DMRT1: variants seen among roughly 807,000 people sequenced by gnomAD.
DMRT1 encodes the protein doublesex and mab-3 related transcription factor 1.
A neutral mutation model predicts 32.3 loss-of-function variants in DMRT1; 7 were observed. The observed-to-expected ratio is 0.22, with a 90% confidence interval of 0.12 to 0.41. The LOEUF (loss-of-function observed/expected upper bound fraction) is 0.41. Ranked by LOEUF, DMRT1 falls within the 10% of genes least tolerant of loss-of-function variation. The probability of loss-of-function intolerance (pLI) is 1.00; values close to 1 mark genes in which losing one functional copy is unlikely to be tolerated. For synonymous variants in DMRT1, 278 were observed against 206.1 expected (o/e 1.35, Z -2.99); for missense variants, 625 against 500.5 (o/e 1.25, Z -2.37).
chr9:910,373 C>G (rs1043616768), intron 3 of DMRT1, among the ~76,000 whole-genome samples: 4 of 151,798 alleles, frequency 2.6e-5, no homozygotes, highest in African/African-American at 9.7e-5. Flanking sequence ...TTTTATGCAG[C>G]CATGCGATGT....
intron 2 of DMRT1, among the ~76,000 whole-genome samples, chr9:893,453 C>T (rs55714436): frequency 6.6e-6 from 1 of 152,210 alleles, no homozygotes; most frequent in African/African-American, 2.4e-5. Context: ...TACCTGATCA[C>T]CTGTGGAAGG....
intron 3 of DMRT1, among the ~76,000 whole-genome samples, chr9:900,633 A>G (rs1466308986): frequency 6.6e-6 from 1 of 152,154 alleles, no homozygotes; most frequent in Non-Finnish European, 1.5e-5. Context: ...AAATTGAAAA[A>G]AAAACAACAA....
chr9:915,010 T>C (rs935197958), intron 3 of DMRT1, among the ~76,000 whole-genome samples: 1 of 152,202 alleles, frequency 6.6e-6, no homozygotes, highest in African/African-American at 2.4e-5. Flanking sequence ...GTCAAGTTAG[T>C]GCTATTTTCT....
chr9:958,016 A>G (rs1819654614), intron 4 of DMRT1, among the ~76,000 whole-genome samples: 1 of 152,220 alleles, frequency 6.6e-6, no homozygotes, highest in Non-Finnish European at 1.5e-5. Context: ...TTTTAAAAAA[A>G]GAAGAAAAAG....
At position 894,109 on chromosome 9, in the gene DMRT1, A is replaced by G. The variant is rs1166688024; in HGVS notation, c.736A>G (p.Asn246Asp). The G allele has an allele frequency of 1.5e-5, 25 of 1,614,080 alleles. No homozygotes were observed. In the Admixed American group the frequency reaches 3.2e-4, roughly 20 times the overall value. The change falls in exon 3 of 5, where the codon AAT (asparagine) becomes GAT (aspartate). Residue 246 changes from asparagine to aspartate, a missense_variant. Physicochemically the swap from Asn to Asp is conservative, Grantham distance 23. Coordinates refer to ENST00000382276, the MANE Select transcript of DMRT1 (RefSeq NM_021951.3). The stretch of plus-strand genomic sequence containing the variant: ...TGATTCTGCTTCTGGGGAGGTGGGA[A>G]ATCCCCTCGGGGGATCCCCTGTGAA... ...AADSASGEVG[N>D]PLGGSPVKNS...
At chr9:846,889 G>C (rs1838927583) in intron 1 of DMRT1, 71 bp from the exon 2 acceptor site, 6 of 1,577,644 alleles carry the variant, frequency 3.8e-6, no homozygotes, top group Non-Finnish European at 5.2e-6. Context: ...TCTGGGATGG[G>C]TGGGGCTTCT....
At chr9:892,602 G>A (rs947463469) in intron 2 of DMRT1, among the ~76,000 whole-genome samples, 2 of 152,078 alleles carry the variant, frequency 1.3e-5, no homozygotes, top group South Asian at 2.1e-4. Context: ...ACTCACTTTG[G>A]TGGTTCCCTA....
At position 871,604 on chromosome 9, in the gene DMRT1, G is replaced by A. The variant is rs375298760; in HGVS notation, c.539-22308G>A. Among the ~76,000 whole-genome samples the A allele has an allele frequency of 5.9e-4, 84 of 142,220 alleles. 1 individual carries two copies. The East Asian group carries it at 7.8e-3, about 13-fold the overall frequency. The allele number at this position is 142,220 out of a possible 152,430, so 93.3% of individuals were successfully genotyped here. On this transcript the variant is annotated intron_variant, in intron 2 of 4. Transcript: ENST00000382276. ...GATCCGCCCGCCTCTGCCTCCCAAA[G>A]TGCTGGGATTACAGACGCGAGCCAC...
At chr9:913,891 T>TC (rs1818078368) in intron 3 of DMRT1, among the ~76,000 whole-genome samples, 1 of 45,296 alleles carries the variant, frequency 2.2e-5, no homozygotes, top group East Asian at 4.6e-4. Context: ...AGACTCGGTC[T>TC]CAAACAATTT....
chr9:861,256 A>C (rs1288012010), intron 2 of DMRT1, among the ~76,000 whole-genome samples: 1 of 151,488 alleles, frequency 6.6e-6, no homozygotes, highest in Non-Finnish European at 1.5e-5. Flanking sequence ...GAGATTAGGG[A>C]GTGGTGATGA....
At chr9:945,472 A>C (rs144369274) in intron 4 of DMRT1, among the ~76,000 whole-genome samples, 245 of 152,284 alleles carry the variant, frequency 1.6e-3, no homozygotes, top group Non-Finnish European at 2.8e-3. Context: ...TGTCTTTCAT[A>C]ATAATTTCCA....
chr9:861,804 G>A (rs1202847650), intron 2 of DMRT1, among the ~76,000 whole-genome samples: 1 of 44,048 alleles, frequency 2.3e-5, no homozygotes, highest in Non-Finnish European at 5.4e-5. Flanking sequence ...CGGCTGCCGG[G>A]CGGGGGGGGG....
At chr9:876,503 G>A (rs1460549407) in intron 2 of DMRT1, among the ~76,000 whole-genome samples, 1 of 150,790 alleles carries the variant, frequency 6.6e-6, no homozygotes, top group African/African-American at 2.4e-5. Context: ...CCAGGAAACT[G>A]CTAGGTTGAC....
intron 3 of DMRT1, among the ~76,000 whole-genome samples, chr9:908,286 T>C (rs1295494018): frequency 6.6e-6 from 1 of 151,970 alleles, no homozygotes; most frequent in East Asian, 1.9e-4. Context: ...TGGGACCCTG[T>C]TTCTACAAAA....
intron 2 of DMRT1, among the ~76,000 whole-genome samples, chr9:881,516 A>G (rs756582976): frequency 2.6e-5 from 4 of 152,196 alleles, no homozygotes; most frequent in Non-Finnish European, 4.4e-5. Context: ...ACCATGAGCA[A>G]ACTTAAACAT....
chr9:858,394 C>T (rs868397902), intron 2 of DMRT1, among the ~76,000 whole-genome samples: 5 of 152,090 alleles, frequency 3.3e-5, no homozygotes, highest in Middle Eastern at 3.2e-3. Context: ...AGCAGCATCC[C>T]CCTGGAGTTC....
At chr9:957,953 G>A (rs150577380) in intron 4 of DMRT1, among the ~76,000 whole-genome samples, 3,973 of 152,270 alleles carry the variant, frequency 0.026, 88 homozygotes, top group South Asian at 0.13. Context: ...AGGTTGCCCC[G>A]ATTGGAGATT....
chr9:921,023 GAA>G (rs1818335656), intron 4 of DMRT1, among the ~76,000 whole-genome samples: 1 of 152,152 alleles, frequency 6.6e-6, no homozygotes, highest in Non-Finnish European at 1.5e-5. Flanking sequence ...TATTGAGGTA[GAA>G]TCCACCTAAC....
chr9:860,444 A>G (rs146858688), intron 2 of DMRT1, among the ~76,000 whole-genome samples: 1 of 152,142 alleles, frequency 6.6e-6, no homozygotes, highest in Non-Finnish European at 1.5e-5. Context: ...TCTGAGCAAG[A>G]TTTCCTCCCT....
Sources: allele counts gnomAD v4.1 joint callset (sites outside exome capture counted in the v4.1 genomes callset), GRCh38; gene constraint gnomAD v4.1.1; transcripts MANE v1.5; gene names NCBI Gene and HGNC (gene_info 2026-07-23, HGNC 2026-07-21).